TMOD3: variants seen among roughly 807,000 people sequenced by gnomAD.
TMOD3 encodes tropomodulin 3.
Under a neutral mutation model 39.2 loss-of-function variants are expected in TMOD3, and 20 were observed. The observed-to-expected ratio is 0.51, with a 90% CI of 0.36 to 0.74. The LOEUF (loss-of-function observed/expected upper bound fraction) is 0.74, where lower values mean the gene tolerates loss of function less well. Ranked by LOEUF, TMOD3 falls within the 30% of genes least tolerant of loss-of-function variation. The pLI is 0.00. For missense variants in TMOD3, 381 were observed against 412.8 expected, an observed-to-expected ratio of 0.92 and a Z score of 0.67; for synonymous variants, 143 against 145.8, an observed-to-expected ratio of 0.98 and a Z score of 0.14.
intron 7 of TMOD3, among the ~76,000 whole-genome samples, chr15:51,896,752 A>G (rs550255909): frequency 2.0e-5 from 3 of 152,164 alleles, no homozygotes; most frequent in South Asian, 2.1e-4. Flanking sequence ...TTTTTAAAAC[A>G]TAAATGGAAT....
rs539872497 is a variant in TMOD3 at position 51,912,078 on chromosome 15, A to G, written c.*3268A>G. On this transcript the variant is annotated 3_prime_UTR_variant, in exon 10 of 10. Transcript: ENST00000308580. The stretch of plus-strand genomic sequence containing the variant: ...TAAATTGTTTTCCAGTTGACCGAGT[A>G]TCTGTTGTGTTTTTGTTTAAAAAGA... 1 of 152,340 alleles carries G rather than the reference A, an allele frequency of 6.6e-6. No homozygotes were observed. The highest frequency in any genetic ancestry group is 6.5e-5 in the Admixed American group (1 of 15,298). The allele number at this position is 152,340 out of a possible 1,614,324, so 9.4% of individuals were successfully genotyped here.
intron 7 of TMOD3, among the ~76,000 whole-genome samples, chr15:51,899,315 C>T (rs1023904801): frequency 6.6e-6 from 1 of 152,104 alleles, no homozygotes; most frequent in Non-Finnish European, 1.5e-5. Context: ...GAGAATGTCA[C>T]CAACGGGGAA....
chr15:51,846,168 T>C (rs954186317), intron 1 of TMOD3, among the ~76,000 whole-genome samples: 2 of 122,558 alleles, frequency 1.6e-5, no homozygotes, highest in Non-Finnish European at 3.6e-5. Context: ...AAAAAAAAAA[T>C]ACAAAAATAA....
intron 7 of TMOD3, among the ~76,000 whole-genome samples, chr15:51,898,731 C>T (rs2141706480): frequency 6.6e-6 from 1 of 152,270 alleles, no homozygotes; most frequent in African/African-American, 2.4e-5. Flanking sequence ...CCCATATTTT[C>T]TGTAGTTTAA....
Position 51,909,747 on chromosome 15 carries a change from G to C in TMOD3, c.*937G>C, listed in dbSNP as rs2056700730. ...ACAGTCATTTAAACTGATGGTTACT[G>C]TAAGTCAGTTGGAAGCTGGCATGTA... On this transcript the variant is annotated 3_prime_UTR_variant, in exon 10 of 10. Coordinates refer to ENST00000308580, the MANE Select transcript of TMOD3 (RefSeq NM_014547.5). 6.6e-6 allele frequency: 1 copy of C among 152,214 alleles called. No homozygotes were observed. Among genetic ancestry groups the C allele is most frequent in the Admixed American group, 6.5e-5 (1 of 15,278 alleles). The allele number at this position is 152,214 out of a possible 1,614,324, so 9.4% of individuals were successfully genotyped here. A position where few individuals can be genotyped will look rare whatever the true frequency, so the allele number is the denominator to read the frequency against.
At chr15:51,908,658 C>A in intron 9 of TMOD3, 118 bp from the exon 10 acceptor site, 3 of 533,934 alleles carry the variant, frequency 5.6e-6, no homozygotes, top group Non-Finnish European at 3.0e-6. Flanking sequence ...TGGAAATGGA[C>A]ATTTCAATTT....
At chr15:51,898,382 T>C (rs964909135) in intron 7 of TMOD3, among the ~76,000 whole-genome samples, 2 of 152,174 alleles carry the variant, frequency 1.3e-5, no homozygotes, top group African/African-American at 4.8e-5. Context: ...ACCAACCCCA[T>C]TCCCACCCCC....
intron 5 of TMOD3, among the ~76,000 whole-genome samples, chr15:51,892,902 A>G (rs67895020): frequency 0.42 from 64,473 of 152,148 alleles, 13,930 homozygotes; most frequent in Non-Finnish European, 0.46. Flanking sequence ...ATACTAAGAC[A>G]ATGAAAATAT....
intron 1 of TMOD3, among the ~76,000 whole-genome samples, chr15:51,844,826 G>A (rs529179822): frequency 6.6e-6 from 1 of 152,224 alleles, no homozygotes; most frequent in Non-Finnish European, 1.5e-5. Context: ...GCTTTATTTG[G>A]TGAGTTTTCA....
At chr15:51,867,301 G>A (rs1182782152) in intron 2 of TMOD3, among the ~76,000 whole-genome samples, 1 of 152,194 alleles carries the variant, frequency 6.6e-6, no homozygotes, top group Non-Finnish European at 1.5e-5. Flanking sequence ...AAGTAAAAAT[G>A]AGTAGGACTT....
chr15:51,904,418 A>G (rs998794751), intron 9 of TMOD3, among the ~76,000 whole-genome samples: 2 of 152,248 alleles, frequency 1.3e-5, no homozygotes, highest in African/African-American at 4.8e-5. Context: ...GGATTAAGTG[A>G]ATAAATAAGT....
chr15:51,861,315 A>G (rs1218360109), intron 1 of TMOD3: 5 of 271,306 alleles, frequency 1.8e-5, no homozygotes, highest in African/African-American at 8.8e-5. Context: ...CTACAACCCC[A>G]TGGGAGCTTC....
chr15:51,838,287 A>G (rs535243639), intron 1 of TMOD3, among the ~76,000 whole-genome samples: 233 of 152,296 alleles, frequency 1.5e-3, no homozygotes, highest in Middle Eastern at 3.4e-3. Flanking sequence ...ACTAATAGCC[A>G]GTACCATTCT....
At chr15:51,849,246 T>A (rs1364290425) in intron 1 of TMOD3, among the ~76,000 whole-genome samples, 1 of 152,172 alleles carries the variant, frequency 6.6e-6, no homozygotes, top group Non-Finnish European at 1.5e-5. Context: ...TTGCTGTTTA[T>A]TACATGGGAA....
At chr15:51,891,680 G>T (rs2056594136) in intron 5 of TMOD3, among the ~76,000 whole-genome samples, 1 of 151,622 alleles carries the variant, frequency 6.6e-6, no homozygotes, top group African/African-American at 2.4e-5. Flanking sequence ...CACAGGATGT[G>T]TGGAATGGGG....
At chr15:51,860,356 C>T in intron 1 of TMOD3, 4 of 541,662 alleles carry the variant, frequency 7.4e-6, no homozygotes, top group East Asian at 5.0e-5. Context: ...TCAGAATAAT[C>T]AGGATTCTCC....
At chr15:51,880,621 A>G (rs539640156) in intron 3 of TMOD3, among the ~76,000 whole-genome samples, 6 of 152,318 alleles carry the variant, frequency 3.9e-5, no homozygotes, top group Middle Eastern at 3.4e-3. Context: ...CACTTAGCAT[A>G]AGGTTTTGGA....
rs1010531262 is a variant in TMOD3, at chr15:51,886,116, G to A, written c.284-1473G>A. Among the ~76,000 whole-genome samples, 20 of 151,632 alleles carry A rather than the reference G, an allele frequency of 1.3e-4. 1 individual carries two copies. Among genetic ancestry groups the A allele is most frequent in the Admixed American group, 6.6e-4 (10 of 15,248 alleles). On this transcript the variant is annotated intron_variant, in intron 3 of 9. Coordinates refer to ENST00000308580, the MANE Select transcript of TMOD3 (RefSeq NM_014547.5). ...TCACCTCCCAGACGGGGTGGCGGTC[G>A]GGCAGAGACGCTCCTCAGTTCCCAG...
chr15:51,896,425 C>G lies in TMOD3; in HGVS notation c.634C>G (p.Pro212Ala). The G allele has an allele frequency of 6.2e-7, 1 of 1,605,764 alleles. No homozygotes were observed. Among genetic ancestry groups the G allele is most frequent in the South Asian group, 1.1e-5 (1 of 89,946 alleles). Residue 212 changes from proline to alanine, a missense_variant, in exon 7 of 10, where the codon CCA becomes GCA. Transcript: ENST00000308580. ...TATGTTATTGTCTTTCAAGAATATC[C>G]CAATTCCAACCCTAAAAGATTTTGC... The part of the protein sequence containing the change: ...EVNLNNIKNI[P>A]IPTLKDFAKA...
Sources: allele counts gnomAD v4.1 joint callset (sites outside exome capture counted in the v4.1 genomes callset), GRCh38; gene constraint gnomAD v4.1.1; transcripts MANE v1.5; gene names NCBI Gene and HGNC (gene_info 2026-07-23, HGNC 2026-07-21).